Variants in TMEM135 observed in about 807,000 individuals in gnomAD.
The protein encoded by TMEM135 is peroxisomal membrane protein 52.
In TMEM135, 30 loss-of-function variants were observed where a neutral mutation model predicts 60.3. That is an observed-to-expected ratio of 0.50 (90% CI 0.37 to 0.68). The LOEUF (loss-of-function observed/expected upper bound fraction) is 0.68. Among genes scored for constraint, TMEM135 ranks in the 30% least tolerant of loss-of-function variants. The pLI is 0.00. For synonymous variants in TMEM135, 190 were observed against 186.7 expected (o/e 1.02, Z -0.14); for missense variants, 468 against 548.8 (o/e 0.85, Z 1.47).
At chr11:87,182,303 A>T (rs1440965917) in intron 5 of TMEM135, among the ~76,000 whole-genome samples, 3 of 152,042 alleles carry the variant, frequency 2.0e-5, no homozygotes, top group Non-Finnish European at 2.9e-5. Flanking sequence ...CTCTCTTTTG[A>T]TTGTGTTTAA....
intron 1 of TMEM135, among the ~76,000 whole-genome samples, chr11:87,055,942 GTTTA>G (rs1204234226): frequency 2.0e-5 from 3 of 152,132 alleles, no homozygotes; most frequent in Non-Finnish European, 4.4e-5. Context: ...GCAAAAGCAA[GTTTA>G]TTAAGAAAGT....
At chr11:87,241,596 T>C (rs1295439665) in intron 6 of TMEM135, among the ~76,000 whole-genome samples, 1 of 152,100 alleles carries the variant, frequency 6.6e-6, no homozygotes, top group Non-Finnish European at 1.5e-5. Context: ...ATAGTAGTTC[T>C]TATTCTTTGT....
intron 1 of TMEM135, among the ~76,000 whole-genome samples, chr11:87,059,771 A>C (rs1185468801): frequency 6.6e-6 from 1 of 152,224 alleles, no homozygotes; most frequent in Non-Finnish European, 1.5e-5. Flanking sequence ...TGTGCTAGTT[A>C]CTCTGCTAAA....
intron 3 of TMEM135, among the ~76,000 whole-genome samples, chr11:87,072,094 G>T (rs1856782951): frequency 6.6e-6 from 1 of 152,190 alleles, no homozygotes; most frequent in East Asian, 1.9e-4. Flanking sequence ...TCAGGAAGCT[G>T]AGGTGGGAGG....
intron 5 of TMEM135, among the ~76,000 whole-genome samples, chr11:87,176,896 A>G (rs923542514): frequency 6.6e-6 from 1 of 152,200 alleles, no homozygotes; most frequent in African/African-American, 2.4e-5. Context: ...TCAAGGGTTA[A>G]AAAACAGTGC....
intron 5 of TMEM135, among the ~76,000 whole-genome samples, chr11:87,208,511 TAAAGA>T (rs1363386031): frequency 1.3e-5 from 2 of 148,400 alleles, no homozygotes; most frequent in Non-Finnish European, 3.0e-5. Flanking sequence ...CAGATAAAAA[TAAAGA>T]AAAGAAATTT....
chr11:87,298,380 A>G (rs1590855122), intron 7 of TMEM135, among the ~76,000 whole-genome samples: 1 of 152,236 alleles, frequency 6.6e-6, no homozygotes, highest in South Asian at 2.1e-4. Flanking sequence ...TCATGAAAAC[A>G]TACATTGTTC....
intron 12 of TMEM135, among the ~76,000 whole-genome samples, chr11:87,316,917 C>G (rs1363571315): frequency 6.6e-6 from 1 of 150,566 alleles, no homozygotes; most frequent in Non-Finnish European, 1.5e-5. Context: ...GAAATTTAAG[C>G]TTGCTATGTC....
chr11:87,242,099 G>A (rs887773323), intron 6 of TMEM135, among the ~76,000 whole-genome samples: 1 of 151,296 alleles, frequency 6.6e-6, no homozygotes, highest in African/African-American at 2.4e-5. Flanking sequence ...AGAACATGCG[G>A]TGTTTGGTTT....
In TMEM135 at chr11:87,328,172, T is replaced by G. The variant is rs1225612084; in HGVS notation, c.*6839T>G. On this transcript the variant is annotated 3_prime_UTR_variant, in exon 15 of 15. Transcript: ENST00000305494. ...AACATTTCTAATGGACATATTCCAA[T>G]TCTGTATAGATCAGATCTCAGTTTC... 4.4e-6 allele frequency: 2 copies of G among 454,126 alleles called. No homozygotes were observed. Among genetic ancestry groups the G allele is most frequent in the Non-Finnish European group, 8.8e-6 (2 of 226,800 alleles). 28.1% of individuals were successfully genotyped at this position (454,126 alleles called of 1,614,324 possible).
At chr11:87,200,026 T>C (rs2135329005) in intron 5 of TMEM135, among the ~76,000 whole-genome samples, 1 of 152,352 alleles carries the variant, frequency 6.6e-6, no homozygotes, top group African/African-American at 2.4e-5. Flanking sequence ...CTAAATGGAA[T>C]TTCAATTTAA....
chr11:87,244,123 C>A, intron 6 of TMEM135, among the ~76,000 whole-genome samples: 1 of 74,120 alleles, frequency 1.3e-5, no homozygotes, highest in South Asian at 4.5e-4. Context: ...TGGTTTTTGT[C>A]TTTGGCTCTG....
At chr11:87,081,233 G>C (rs567197052) in intron 3 of TMEM135, among the ~76,000 whole-genome samples, 1 of 151,860 alleles carries the variant, frequency 6.6e-6, no homozygotes, top group Non-Finnish European at 1.5e-5. Context: ...GGTTGAGTGA[G>C]CCATTTTATT....
At chr11:87,208,524 T>A (rs2135340039) in intron 5 of TMEM135, among the ~76,000 whole-genome samples, 1 of 152,110 alleles carries the variant, frequency 6.6e-6, no homozygotes, top group African/African-American at 2.4e-5. Context: ...AGAAAAGAAA[T>A]TTTAAAAAAC....
chr11:87,063,278 A>G (rs190471625), intron 1 of TMEM135, among the ~76,000 whole-genome samples: 2 of 152,328 alleles, frequency 1.3e-5, no homozygotes, highest in Admixed American at 1.3e-4. Flanking sequence ...AAATACATAA[A>G]TACAGATATG....
intron 10 of TMEM135, among the ~76,000 whole-genome samples, chr11:87,310,130 G>A (rs2135448054): frequency 6.6e-6 from 1 of 152,050 alleles, no homozygotes; most frequent in South Asian, 2.1e-4. Context: ...ACTTATATAA[G>A]CAATGACTTA....
intron 4 of TMEM135, among the ~76,000 whole-genome samples, chr11:87,139,713 G>C (rs999920206): frequency 1.2e-4 from 19 of 152,068 alleles, no homozygotes; most frequent in African/African-American, 4.1e-4. Context: ...CTATCACTTG[G>C]TATTGTCATT....
intron 6 of TMEM135, among the ~76,000 whole-genome samples, chr11:87,269,646 C>G (rs1941826170): frequency 6.6e-6 from 1 of 151,596 alleles, no homozygotes; most frequent in African/African-American, 2.4e-5. Flanking sequence ...TTTCCAATTT[C>G]ATCCATGTCC....
chr11:87,056,166 G>A (rs992490076), intron 1 of TMEM135, among the ~76,000 whole-genome samples: 1 of 152,172 alleles, frequency 6.6e-6, no homozygotes. Context: ...TTGTTCTTCA[G>A]ATATTGGGAT....
Sources: allele counts gnomAD v4.1 joint callset (sites outside exome capture counted in the v4.1 genomes callset), GRCh38; gene constraint gnomAD v4.1.1; transcripts MANE v1.5; gene names NCBI Gene and HGNC (gene_info 2026-07-23, HGNC 2026-07-21).